Variants in CNTLN observed in about 807,000 individuals in gnomAD.
CNTLN encodes the protein centlein, centrosomal protein.
CNTLN carries 212 observed loss-of-function variants against 180.0 expected under a neutral mutation model. That is an observed-to-expected ratio of 1.18 (90% CI 1.05 to 1.32). CNTLN has a LOEUF of 1.32. CNTLN is among the 40% of genes most tolerant of loss of function. CNTLN has a pLI of 0.00. For missense variants in CNTLN, 2,095 were observed against 1,610.9 expected (o/e 1.30, Z -5.14); for synonymous variants, 722 against 563.1 (o/e 1.28, Z -3.99).
At chr9:17,276,147 T>A (rs1279734037) in intron 6 of CNTLN, among the ~76,000 whole-genome samples, 1 of 152,108 alleles carries the variant, frequency 6.6e-6, no homozygotes, top group Non-Finnish European at 1.5e-5. Context: ...GTTGAAATTT[T>A]GAAAATAAGG....
At chr9:17,514,647 C>A in the CNTLN span, among the ~76,000 whole-genome samples, 2 of 152,278 alleles carry the variant, frequency 1.3e-5, no homozygotes, top group South Asian at 4.2e-4. Flanking sequence ...AAACAGCATA[C>A]TTGGCCAAGT....
intron 1 of CNTLN, among the ~76,000 whole-genome samples, chr9:17,138,429 G>A (rs547754971): frequency 8.7e-4 from 132 of 152,262 alleles, no homozygotes; most frequent in African/African-American, 3.0e-3. Flanking sequence ...CTTTAATGAT[G>A]AAACCAACTT....
intron 18 of CNTLN, among the ~76,000 whole-genome samples, chr9:17,435,190 C>G (rs879883391): frequency 3.9e-5 from 6 of 152,112 alleles, no homozygotes; most frequent in Admixed American, 6.5e-5. Flanking sequence ...AGCTTAGTGC[C>G]TAGAGTTCTA....
At position 17,494,566 on chromosome 9, in the gene CNTLN, C is replaced by T. The variant is rs192290075; in HGVS notation, c.4119+7500C>T. Among the ~76,000 whole-genome samples, 14 of 152,202 alleles carry T rather than the reference C, an allele frequency of 9.2e-5. No individual in the cohort carries two copies. The East Asian group carries it at 2.5e-3, about 27-fold the overall frequency. On this transcript the variant is annotated intron_variant, in intron 25 of 25. Transcript: ENST00000380647. Reference sequence around the variant, plus strand: ...GGCCCCAGGGTCTGCTGTTCCCCTTCTCTGTGTCCATATGTTCTCATCATT... The same window carrying T: ...GGCCCCAGGGTCTGCTGTTCCCCTTTTCTGTGTCCATATGTTCTCATCATT...
chr9:17,223,192 C>T (rs1000919122), intron 2 of CNTLN, among the ~76,000 whole-genome samples: 1 of 152,022 alleles, frequency 6.6e-6, no homozygotes. Flanking sequence ...CAGAACAGCA[C>T]TGCAATTTAA....
At position 17,410,536 on chromosome 9, in the gene CNTLN, A is replaced by G. The variant is rs530685504; in HGVS notation, c.2796+1063A>G. Among the ~76,000 whole-genome samples, 10 of 152,174 alleles carry G rather than the reference A, an allele frequency of 6.6e-5. No homozygotes were observed. The East Asian group carries it at 1.4e-3, about 21-fold the overall frequency. ...GTCTTCTGAAGAATATAACATCTCA[A>G]TTCTAATGTGGCCAAACTTACCAAT... is the stretch of plus-strand genomic sequence containing the variant. On this transcript the variant is annotated intron_variant, in intron 16 of 25. Coordinates refer to ENST00000380647, the MANE Select transcript of CNTLN (RefSeq NM_017738.4).
chr9:17,526,985 C>G, the CNTLN span, among the ~76,000 whole-genome samples: 83 of 152,248 alleles, frequency 5.5e-4, no homozygotes, highest in Middle Eastern at 3.4e-3. Context: ...CCAAGTGATT[C>G]TCCTGCCTCA....
chr9:17,237,957 TAAAAC>T (rs1445742043), intron 5 of CNTLN, among the ~76,000 whole-genome samples: 1 of 152,174 alleles, frequency 6.6e-6, no homozygotes, highest in Non-Finnish European at 1.5e-5. Flanking sequence ...TGTGCAGCAT[TAAAAC>T]AAATTGGAAG....
chr9:17,347,796 T>C (rs1195237459), intron 12 of CNTLN, among the ~76,000 whole-genome samples: 3 of 152,162 alleles, frequency 2.0e-5, no homozygotes, highest in Admixed American at 2.0e-4. Flanking sequence ...TAGTTTACAG[T>C]TGGGCAAAAC....
chr9:17,354,979 A>G (rs1822712928), intron 12 of CNTLN, among the ~76,000 whole-genome samples: 1 of 151,534 alleles, frequency 6.6e-6, no homozygotes, highest in Non-Finnish European at 1.5e-5. Flanking sequence ...GAGCTGTAAC[A>G]CTCACCGCGA....
chr9:17,208,583 C>A (rs572648422), intron 2 of CNTLN, among the ~76,000 whole-genome samples: 2 of 152,176 alleles, frequency 1.3e-5, no homozygotes, highest in African/African-American at 4.8e-5. Flanking sequence ...GCATTTAAGC[C>A]ATTGGGTGCT....
intron 25 of CNTLN, among the ~76,000 whole-genome samples, chr9:17,501,973 G>A (rs1833774348): frequency 6.6e-6 from 1 of 152,208 alleles, no homozygotes; most frequent in Admixed American, 6.5e-5. Flanking sequence ...ATTTAAAAAT[G>A]TAGTCTACAT....
At chr9:17,412,939 T>C (rs2133865675) in intron 16 of CNTLN, among the ~76,000 whole-genome samples, 1 of 152,178 alleles carries the variant, frequency 6.6e-6, no homozygotes, top group Admixed American at 6.5e-5. Context: ...AGCAAATAAA[T>C]AGAAGATATA....
At chr9:17,412,607 A>G (rs1827937165) in intron 16 of CNTLN, among the ~76,000 whole-genome samples, 1 of 152,238 alleles carries the variant, frequency 6.6e-6, no homozygotes, top group African/African-American at 2.4e-5. Flanking sequence ...ATACTTTATT[A>G]TAAAATAAGC....
At chr9:17,193,517 A>G (rs1821923490) in intron 2 of CNTLN, among the ~76,000 whole-genome samples, 2 of 152,116 alleles carry the variant, frequency 1.3e-5, no homozygotes, top group African/African-American at 4.8e-5. Context: ...CTCCAAAATT[A>G]TGTCCTTTGA....
At chr9:17,342,922 T>C (rs749638420) in intron 12 of CNTLN, among the ~76,000 whole-genome samples, 4 of 152,204 alleles carry the variant, frequency 2.6e-5, no homozygotes, top group Non-Finnish European at 5.9e-5. Flanking sequence ...GCTGGAGCTG[T>C]CCAAGCTAAT....
intron 18 of CNTLN, among the ~76,000 whole-genome samples, chr9:17,434,770 G>T (rs1587983622): frequency 6.6e-6 from 1 of 151,658 alleles, no homozygotes; most frequent in South Asian, 2.1e-4. Context: ...TAAGTATATA[G>T]GTTGTCTGTG....
chr9:17,218,167 A>G, intron 2 of CNTLN, among the ~76,000 whole-genome samples: 1 of 152,172 alleles, frequency 6.6e-6, no homozygotes, highest in South Asian at 2.1e-4. Context: ...CATGTATTTT[A>G]TACTGGAAAT....
intron 18 of CNTLN, among the ~76,000 whole-genome samples, chr9:17,451,634 G>A (rs573253475): frequency 7.2e-5 from 11 of 152,166 alleles, no homozygotes; most frequent in African/African-American, 2.2e-4. Context: ...AATATTGAGC[G>A]TCTCACCGTT....
Sources: gnomAD v4.1 joint callset for allele counts (sites outside exome capture counted in the v4.1 genomes callset) on GRCh38, gnomAD v4.1.1 for gene constraint, MANE v1.5 for transcripts, NCBI Gene and HGNC (gene_info 2026-07-23, HGNC 2026-07-21) for gene names.